DMD: variants seen among roughly 807,000 people sequenced by gnomAD.
DMD encodes the protein dystrophin.
DMD carries 63 observed loss-of-function variants against 330.1 expected under a neutral mutation model. The ratio of observed to expected loss-of-function variants is 0.19; its 90% CI spans 0.16 to 0.24. The LOEUF (loss-of-function observed/expected upper bound fraction) is 0.24, where lower values mean the gene tolerates loss of function less well. DMD is among the 10% of genes least tolerant of loss of function. The probability of loss-of-function intolerance (pLI) is 1.00; values close to 1 mark genes in which losing one functional copy is unlikely to be tolerated. For synonymous variants in DMD, 1,223 were observed against 959.8 expected (o/e 1.27, Z -5.07); for missense variants, 3,344 against 2,684.1 (o/e 1.25, Z -5.43).
intron 44 of DMD, among the ~76,000 whole-genome samples, chrX:32,016,462 C>T (rs2095761113): frequency 8.9e-6 from 1 of 112,001 alleles, no homozygotes; most frequent in Non-Finnish European, 1.9e-5. Context: ...ATCCTACTCA[C>T]CTCCCCACAA....
chrX:31,816,753 G>A (rs1211085386), intron 50 of DMD, among the ~76,000 whole-genome samples: 3 of 102,572 alleles, frequency 2.9e-5, no homozygotes, highest in South Asian at 4.4e-4. Context: ...AACCGAGATC[G>A]CACCACTGCA....
chrX:32,098,026 A>C (rs1038937399), intron 44 of DMD, among the ~76,000 whole-genome samples: 4 of 111,586 alleles, frequency 3.6e-5, no homozygotes, highest in Admixed American at 1.9e-4. Flanking sequence ...CATGACCATA[A>C]ATTAAAAATA....
intron 45 of DMD, among the ~76,000 whole-genome samples, chrX:31,946,666 T>C (rs1259707597): frequency 9.0e-6 from 1 of 111,583 alleles, no homozygotes; most frequent in Non-Finnish European, 1.9e-5. Flanking sequence ...GACCTAGCCA[T>C]GTACAATAGA....
chrX:31,793,365 G>A (rs911239242), intron 50 of DMD, among the ~76,000 whole-genome samples: 7 of 111,206 alleles, frequency 6.3e-5, no homozygotes, highest in African/African-American at 1.6e-4. Context: ...GCCTCCTGCC[G>A]CTATCAGTAC....
At chrX:32,630,823 C>T (rs1195841995) in intron 11 of DMD, among the ~76,000 whole-genome samples, 4 of 111,853 alleles carry the variant, frequency 3.6e-5, no homozygotes, top group Admixed American at 9.5e-5. Context: ...GATTGGTCAG[C>T]GATGCCTTAT....
At chrX:32,989,737 A>G (rs768805095) in intron 2 of DMD, among the ~76,000 whole-genome samples, 52 of 111,405 alleles carry the variant, frequency 4.7e-4, no homozygotes, top group African/African-American at 1.6e-3. Flanking sequence ...TAATTTTTCT[A>G]CTTAAATTTT....
At chrX:33,107,322 C>CAA (rs1389662399) in intron 1 of DMD, among the ~76,000 whole-genome samples, 1 of 79,331 alleles carries the variant, frequency 1.3e-5, no homozygotes, top group Non-Finnish European at 2.6e-5. Flanking sequence ...CCCCCCCCCC[C>CAA]CCAACACACA....
intron 17 of DMD, among the ~76,000 whole-genome samples, chrX:32,521,859 G>T (rs780334659): frequency 2.7e-5 from 3 of 111,720 alleles, no homozygotes; most frequent in African/African-American, 9.8e-5. Context: ...ATTAAAAGAT[G>T]GGGCATTTGG....
chrX:31,585,528 C>T (rs1252462309), intron 55 of DMD, among the ~76,000 whole-genome samples: 1 of 104,898 alleles, frequency 9.5e-6, no homozygotes, highest in African/African-American at 3.5e-5. Context: ...TACTCATTCC[C>T]ACTCCCAAAC....
intron 13 of DMD, among the ~76,000 whole-genome samples, chrX:32,588,361 A>G (rs919477854): frequency 3.6e-5 from 4 of 112,174 alleles, no homozygotes; most frequent in Non-Finnish European, 5.6e-5. Flanking sequence ...TGAGTTTTCT[A>G]TACATAGATG....
At position 32,416,588 on chromosome X, in the gene DMD, C is replaced by A. The variant is rs142508994; in HGVS notation, c.4072-4675G>T. ...CAATTCAAATAAAGCAAAGCAACGACAAAGTCTTGAAGTTTCTGCTTAGGG... is the reference window on the plus strand; with the variant it reads ...CAATTCAAATAAAGCAAAGCAACGAAAAAGTCTTGAAGTTTCTGCTTAGGG... On this transcript the variant is annotated intron_variant, in intron 29 of 78. Transcript: ENST00000357033. Among the ~76,000 whole-genome samples the A allele has an allele frequency of 2.0e-4, 22 of 111,926 alleles. 1 individual carries two copies. The East Asian group carries it at 6.2e-3, about 31-fold the overall frequency.
chrX:33,264,770 G>A lies in DMD; in HGVS notation c.7+74489C>T, dbSNP rs187607289. ...TCATAATCAATTTTCAAAGAAATTA[G>A]CATTGAAGGAAATAAGGAGCAGGTT... On this transcript the variant is annotated intron_variant, in intron 1 of 17. Transcript: ENST00000288447. 5.4e-5 allele frequency among the ~76,000 whole-genome samples: 6 copies of A among 110,539 alleles called. No homozygotes were observed. The East Asian group carries it at 1.7e-3, about 31-fold the overall frequency.
At chrX:31,739,281 T>C (rs1217347448) in intron 51 of DMD, among the ~76,000 whole-genome samples, 1 of 111,541 alleles carries the variant, frequency 9.0e-6, no homozygotes, top group Admixed American at 9.5e-5. Context: ...GAATCAGAAA[T>C]GTGTGGAAAT....
intron 43 of DMD, among the ~76,000 whole-genome samples, chrX:32,280,041 A>ACATATATAC (rs2097410974): frequency 1.1e-5 from 1 of 93,608 alleles, no homozygotes; most frequent in Non-Finnish European, 2.2e-5. Flanking sequence ...TATATACCCC[A>ACATATATAC]CATATATACA....
rs374605058 is a variant in DMD, at chrX:31,748,019, C to T, written c.7543-18271G>A. ...CCTCAGAGACTTTAGTGGCATGAGG[C>T]TAGGCAGAGACAAAAACTGATAATC... On this transcript the variant is annotated intron_variant, in intron 51 of 78. Coordinates refer to ENST00000357033, the MANE Select transcript of DMD (RefSeq NM_004006.3). Among the ~76,000 whole-genome samples, 25 of 111,917 alleles carry T rather than the reference C, an allele frequency of 2.2e-4. No homozygotes were observed. In the South Asian group the frequency reaches 9.4e-3, roughly 42 times the overall value.
chrX:32,255,174 T>TTCTTGGTCAGTGTACACAG (rs2097293284), intron 43 of DMD, among the ~76,000 whole-genome samples: 1 of 112,210 alleles, frequency 8.9e-6, no homozygotes, highest in Admixed American at 9.5e-5. Flanking sequence ...TGTTTCTCCA[T>TTCTTGGTCAGTGTACACAG]TCTTGGTCAG....
At chrX:32,422,671 A>G (rs2148037593) in intron 29 of DMD, among the ~76,000 whole-genome samples, 1 of 112,062 alleles carries the variant, frequency 8.9e-6, no homozygotes, top group African/African-American at 3.2e-5. Flanking sequence ...GATTTAAAAG[A>G]CAGCATGATG....
chrX:31,418,851 T>C (rs1450989990), intron 60 of DMD, among the ~76,000 whole-genome samples: 2 of 112,809 alleles, frequency 1.8e-5, no homozygotes, highest in Non-Finnish European at 3.7e-5. Context: ...TCTCCTCCAA[T>C]GAATGCAAGA....
intron 13 of DMD, among the ~76,000 whole-genome samples, chrX:32,588,817 G>T (rs183205140): frequency 2.4e-4 from 27 of 112,114 alleles, no homozygotes; most frequent in African/African-American, 8.7e-4. Flanking sequence ...ATAAGGGAAA[G>T]GACAGGGATG....
Sources: gnomAD v4.1 joint callset for allele counts (sites outside exome capture counted in the v4.1 genomes callset) on GRCh38, gnomAD v4.1.1 for gene constraint, MANE v1.5 for transcripts, NCBI Gene and HGNC (gene_info 2026-07-23, HGNC 2026-07-21) for gene names.